ZNF280D: variants seen among roughly 807,000 people sequenced by gnomAD.
The protein encoded by ZNF280D is suppressor of hairy wing homolog 4.
ZNF280D carries 39 observed loss-of-function variants against 94.7 expected under a neutral mutation model. The observed-to-expected ratio is 0.41, with a 90% CI of 0.32 to 0.54. The LOEUF is 0.54. Among genes scored for constraint, ZNF280D ranks in the 20% least tolerant of loss-of-function variants. The pLI is 0.22. For synonymous variants in ZNF280D, 398 were observed against 377.6 expected, an observed-to-expected ratio of 1.05 and a Z score of -0.63; for missense variants, 1,090 against 1,149.3, an observed-to-expected ratio of 0.95 and a Z score of 0.75.
rs909322563 is a variant in ZNF280D, at chr15:56,632,099, G to A, written c.2339C>T (p.Ser780Leu). The change falls in exon 22 of 22, where the codon TCA becomes TTA. Residue 780 changes from serine to leucine, a missense_variant. Around this residue, in one of 3 missense-constraint regions of ZNF280D, gnomAD observed 577 missense variants for 568.8 expected, o/e 1.01. Transcript: ENST00000267807. ...TGCATTACATCCATTTTTTTCTTTT[G>A]AAGAAGCAGCTTTATCTTGTTTACT... ...SESKQDKAAS[S>L]KEKNGCNANS... 2.5e-6 allele frequency: 4 copies of A among 1,585,204 alleles called. No individual in the cohort carries two copies. In the African/African-American group the frequency reaches 4.1e-5, roughly 16 times the overall value.
At chr15:56,660,921 G>A (rs539926114) in intron 16 of ZNF280D, among the ~76,000 whole-genome samples, 5 of 151,674 alleles carry the variant, frequency 3.3e-5, no homozygotes, top group African/African-American at 4.8e-5. Flanking sequence ...ACTAGAGGCC[G>A]ATGATACAAC....
At chr15:56,708,191 A>G (rs1455020624) in intron 1 of ZNF280D, among the ~76,000 whole-genome samples, 2 of 152,186 alleles carry the variant, frequency 1.3e-5, no homozygotes, top group African/African-American at 4.8e-5. Context: ...CAATTTCTAA[A>G]GTATGTAAAC....
intron 1 of ZNF280D, among the ~76,000 whole-genome samples, chr15:56,712,723 A>G (rs1315758603): frequency 1.3e-5 from 2 of 148,836 alleles, no homozygotes; most frequent in Non-Finnish European, 3.0e-5. Flanking sequence ...AGTGATTATG[A>G]GGAACATGGT....
At position 56,707,152 on chromosome 15, in the gene ZNF280D, T is replaced by C. The variant is rs777314818; in HGVS notation, c.-41-2A>G. ...TTTCTGTAAATTGTCACCTAAGTAC[T>C]GACACATGATATCAGTCAATTTAAT... On this transcript the variant is annotated splice_acceptor_variant, in intron 2 of 21. Coordinates refer to ENST00000267807, the MANE Select transcript of ZNF280D (RefSeq NM_017661.4). LOFTEE classifies it low-confidence loss of function (5UTR_SPLICE). The C allele has an allele frequency of 3.7e-6, 6 of 1,613,466 alleles. No individual in the cohort carries two copies. Among genetic ancestry groups the C allele is most frequent in the East Asian group, 2.2e-5 (1 of 44,834 alleles).
chr15:56,723,363 T>G (rs1267342082), intron 1 of ZNF280D, among the ~76,000 whole-genome samples: 2 of 152,106 alleles, frequency 1.3e-5, no homozygotes, highest in Non-Finnish European at 2.9e-5. Context: ...GTGAAAGAAG[T>G]CAGTCACACA....
chr15:56,685,956 C>G (rs2055978913), intron 9 of ZNF280D, among the ~76,000 whole-genome samples: 2 of 151,978 alleles, frequency 1.3e-5, no homozygotes, highest in African/African-American at 4.8e-5. Flanking sequence ...AAAGGCACAC[C>G]TAAAACAAAG....
At chr15:56,653,368 C>G in intron 19 of ZNF280D, 1 of 1,289,514 alleles carries the variant, frequency 7.8e-7, no homozygotes, top group Non-Finnish European at 9.8e-7. Flanking sequence ...ATTTGGTGGG[C>G]CTTAAAGCCA....
chr15:56,711,285 T>G (rs1294026159), intron 1 of ZNF280D, among the ~76,000 whole-genome samples: 1 of 152,202 alleles, frequency 6.6e-6, no homozygotes, highest in Non-Finnish European at 1.5e-5. Context: ...AATGAGATAA[T>G]ATATGTAAAA....
chr15:56,706,799 A>AT (rs1276004780), intron 3 of ZNF280D, among the ~76,000 whole-genome samples: 4 of 152,236 alleles, frequency 2.6e-5, no homozygotes, highest in Admixed American at 2.6e-4. Flanking sequence ...TAGCTTTATA[A>AT]TTTTTTTAGA....
chr15:56,671,479 T>C (rs923877868), intron 13 of ZNF280D, among the ~76,000 whole-genome samples: 3 of 152,116 alleles, frequency 2.0e-5, no homozygotes, highest in Non-Finnish European at 4.4e-5. Context: ...GAAGATCAGA[T>C]GGTTGTAGGT....
At chr15:56,694,691 C>A (rs2056642746) in intron 6 of ZNF280D, among the ~76,000 whole-genome samples, 1 of 152,036 alleles carries the variant, frequency 6.6e-6, no homozygotes, top group Non-Finnish European at 1.5e-5. Flanking sequence ...TTAAAAGTGT[C>A]AAGTTCATGG....
At position 56,666,401 on chromosome 15, in the gene ZNF280D, A is replaced by T. The variant is rs2054285877; in HGVS notation, c.1988T>A (p.Met663Lys). 1 of 1,608,964 alleles carries T rather than the reference A, an allele frequency of 6.2e-7. No homozygotes were observed. Among genetic ancestry groups the T allele is most frequent in the Admixed American group, 1.7e-5 (1 of 58,876 alleles). The stretch of plus-strand genomic sequence containing the variant: ...CACATTTAATTCATCTTACCTCATC[A>T]TATGATTTACATAGGCTTTGCTACA... Reference protein sequence around the residue: ...TSCSKAYVNHMMSFHSNRPSK... With the variant: ...TSCSKAYVNHKMSFHSNRPSK... The change falls in exon 16 of 22, where the codon ATG (methionine) becomes AAG (lysine). Residue 663 changes from methionine to lysine, a missense_variant. Met to Lys is a moderately conservative substitution (Grantham distance 95, BLOSUM62 -1). Around this residue, in one of 3 missense-constraint regions of ZNF280D, gnomAD observed 577 missense variants for 568.8 expected, o/e 1.01. Coordinates refer to ENST00000267807, the MANE Select transcript of ZNF280D (RefSeq NM_017661.4).
rs778510721 is a variant in ZNF280D at position 56,677,612 on chromosome 15, C to A, written c.1225G>T (p.Asp409Tyr). 2 of 1,610,300 alleles carry A rather than the reference C, an allele frequency of 1.2e-6. No homozygotes were observed. The highest frequency in any genetic ancestry group is 1.7e-6 in the Non-Finnish European group (2 of 1,178,154). ...GGCATTTCACCAGGTTTATGATTGT[C>A]CTTCATATGTTGTAAAAGAACATGT... Reference protein sequence around the residue: ...TEHVLLQHMKDNHKPGEMPYV... With the variant: ...TEHVLLQHMKYNHKPGEMPYV... The change falls in exon 12 of 22, where the codon GAC becomes TAC. Residue 409 changes from aspartate (D) to tyrosine (Y), a missense_variant. Physicochemically the swap from Asp to Tyr is radical, Grantham distance 160. This residue lies in a region of ZNF280D where 127 missense variants were observed against 208.6 expected (regional missense o/e 0.61). Transcript: ENST00000267807.
At chr15:56,683,212 C>T (rs2055755770) in intron 9 of ZNF280D, among the ~76,000 whole-genome samples, 1 of 151,916 alleles carries the variant, frequency 6.6e-6, no homozygotes, top group Non-Finnish European at 1.5e-5. Context: ...TATAAAAGAG[C>T]TGAATAATAA....
chr15:56,692,459 T>C (rs557328229), intron 7 of ZNF280D, among the ~76,000 whole-genome samples: 6 of 152,192 alleles, frequency 3.9e-5, no homozygotes, highest in Non-Finnish European at 8.8e-5. Flanking sequence ...CAGGGAATTT[T>C]CAATTAGATA....
intron 6 of ZNF280D, chr15:56,698,899 C>T (rs2141165084): frequency 6.6e-6 from 1 of 152,238 alleles, no homozygotes; most frequent in East Asian, 1.9e-4. Flanking sequence ...CAAATACTTC[C>T]CCAACAGAAT....
intron 4 of ZNF280D, 138 bp downstream of exon 4, chr15:56,703,983 A>T: frequency 1.2e-6 from 1 of 866,708 alleles, no homozygotes; most frequent in Non-Finnish European, 1.7e-6. Context: ...TTAATCTCTT[A>T]CCTCCTTCCT....
rs956654511 is a variant in ZNF280D at position 56,635,418 on chromosome 15, T to C, written c.2260-168A>G. The stretch of plus-strand genomic sequence containing the variant: ...ATATAATTAGAATACTCCATAATTA[T>C]ATGCAGGTTTTGAAAATGTTTTTAA... On this transcript the variant is annotated intron_variant, in intron 20 of 21. Coordinates refer to ENST00000267807, the MANE Select transcript of ZNF280D (RefSeq NM_017661.4). 10 of 204,086 alleles carry C rather than the reference T, an allele frequency of 4.9e-5. No individual in the cohort carries two copies. The South Asian group carries it at 7.2e-4, about 15-fold the overall frequency. The allele number at this position is 204,086 out of a possible 1,614,324, so 12.6% of individuals were successfully genotyped here.
chr15:56,695,012 T>G (rs1216911338), intron 6 of ZNF280D, among the ~76,000 whole-genome samples: 1 of 152,218 alleles, frequency 6.6e-6, no homozygotes, highest in African/African-American at 2.4e-5. Flanking sequence ...GTATAATTTT[T>G]CTGCATAAAA....
Sources: allele counts gnomAD v4.1 joint callset (sites outside exome capture counted in the v4.1 genomes callset), GRCh38; gene constraint gnomAD v4.1.1; regional missense constraint gnomAD v4.1.1; transcripts MANE v1.5; gene names NCBI Gene and HGNC (gene_info 2026-07-23, HGNC 2026-07-21).